GPR158: variants seen among roughly 807,000 people sequenced by gnomAD.
The protein encoded by GPR158 is G protein-coupled receptor 158.
GPR158 carries 30 observed loss-of-function variants against 78.2 expected under a neutral mutation model. The ratio of observed to expected loss-of-function variants is 0.38; its 90% CI spans 0.29 to 0.52. GPR158 has a LOEUF of 0.52. GPR158 is among the 20% of genes least tolerant of loss of function. GPR158 has a pLI of 0.83. For synonymous variants in GPR158, 581 were observed against 591.1 expected, an observed-to-expected ratio of 0.98 and a Z score of 0.25; for missense variants, 1,463 against 1,523.5, an observed-to-expected ratio of 0.96 and a Z score of 0.66.
chr10:25,340,194 T>A (rs1409594207), intron 2 of GPR158, among the ~76,000 whole-genome samples: 1 of 152,088 alleles, frequency 6.6e-6, no homozygotes, highest in Non-Finnish European at 1.5e-5. Flanking sequence ...GTTGCTTTGG[T>A]TGCTCTCCAA....
chr10:25,286,838 T>A (rs1242207004), intron 2 of GPR158, among the ~76,000 whole-genome samples: 1 of 152,122 alleles, frequency 6.6e-6, no homozygotes, highest in East Asian at 1.9e-4. Flanking sequence ...ATTTCAGTAG[T>A]TGTTACCTTA....
At chr10:25,301,850 C>T (rs1854600473) in intron 2 of GPR158, among the ~76,000 whole-genome samples, 1 of 152,052 alleles carries the variant, frequency 6.6e-6, no homozygotes, top group Non-Finnish European at 1.5e-5. Flanking sequence ...GGTTTTCTTC[C>T]CTTAAGAAAG....
intron 2 of GPR158, among the ~76,000 whole-genome samples, chr10:25,373,070 T>A (rs1223384120): frequency 1.3e-5 from 2 of 151,764 alleles, no homozygotes; most frequent in African/African-American, 4.8e-5. Flanking sequence ...CAACGGCAGA[T>A]TGGATAAAGA....
chr10:25,246,700 C>T (rs150134721), intron 2 of GPR158, among the ~76,000 whole-genome samples: 1 of 152,130 alleles, frequency 6.6e-6, no homozygotes, highest in East Asian at 1.9e-4. Flanking sequence ...CTTCTAAATA[C>T]TAGACCTGGC....
At chr10:25,318,015 G>T (rs903242411) in intron 2 of GPR158, among the ~76,000 whole-genome samples, 5 of 152,126 alleles carry the variant, frequency 3.3e-5, no homozygotes, top group African/African-American at 1.2e-4. Flanking sequence ...GAGTCACCGT[G>T]CCTGGCCCAT....
intron 2 of GPR158, among the ~76,000 whole-genome samples, chr10:25,330,422 C>A (rs112726501): frequency 0.012 from 1,811 of 152,150 alleles, 44 homozygotes; most frequent in African/African-American, 0.041. Context: ...ATTTGAGTAC[C>A]TCCAAGGAGC....
In GPR158 at chr10:25,515,461, T is replaced by C. The variant is rs555584820; in HGVS notation, c.1405-35515T>C. ...GTATACATGTGCCATGCTGGTGCGC[T>C]GCACCCACTAACTCGTCATCTAGCA... On this transcript the variant is annotated intron_variant, in intron 5 of 10. Transcript: ENST00000376351. Among the ~76,000 whole-genome samples the C allele has an allele frequency of 2.4e-3, 354 of 148,546 alleles. 5 individuals carry two copies. The highest frequency in any genetic ancestry group is 8.4e-3 in the African/African-American group (340 of 40,544).
chr10:25,334,559 C>G (rs1368329010), intron 2 of GPR158, among the ~76,000 whole-genome samples: 1 of 151,902 alleles, frequency 6.6e-6, no homozygotes, highest in Non-Finnish European at 1.5e-5. Flanking sequence ...TTCTTTCACA[C>G]TATGCAAGCA....
At position 25,296,817 on chromosome 10, in the gene GPR158, AG is replaced by A. The variant is rs568894167; in HGVS notation, c.1008+75663del. Among the ~76,000 whole-genome samples the A allele has an allele frequency of 6.6e-5, 10 of 152,318 alleles. No individual in the cohort carries two copies. The South Asian group carries it at 2.1e-3, about 32-fold the overall frequency. On this transcript the variant is annotated intron_variant, in intron 2 of 10. Coordinates refer to ENST00000376351, the MANE Select transcript of GPR158 (RefSeq NM_020752.3). Reference sequence around the variant, plus strand: ...GTAACTTACCCACAGTTACACATTTAGGGAGTGGTGAGTCTAGGATTTTATT... The same window carrying A: ...GTAACTTACCCACAGTTACACATTTAGGAGTGGTGAGTCTAGGATTTTATT...
At chr10:25,394,921 A>G (rs1332895722) in intron 2 of GPR158, among the ~76,000 whole-genome samples, 1 of 152,180 alleles carries the variant, frequency 6.6e-6, no homozygotes, top group Non-Finnish European at 1.5e-5. Flanking sequence ...GGGACATCTT[A>G]TAATTCTTAA....
intron 2 of GPR158, among the ~76,000 whole-genome samples, chr10:25,240,478 G>A (rs1001346563): frequency 6.6e-6 from 1 of 152,162 alleles, no homozygotes; most frequent in Non-Finnish European, 1.5e-5. Context: ...CATCCAGCCT[G>A]GGAGACAGAG....
chr10:25,424,271 G>C (rs1476184431), intron 4 of GPR158, among the ~76,000 whole-genome samples: 1 of 152,150 alleles, frequency 6.6e-6, no homozygotes, highest in African/African-American at 2.4e-5. Context: ...GTAGATTCAG[G>C]ATATTAGCCC....
At chr10:25,187,121 C>T (rs1323034329) in intron 1 of GPR158, among the ~76,000 whole-genome samples, 4 of 152,082 alleles carry the variant, frequency 2.6e-5, no homozygotes, top group South Asian at 2.1e-4. Context: ...CCCGCCATCA[C>T]GCCCGGCTAT....
chr10:25,240,872 A>T (rs2130706094), intron 2 of GPR158, among the ~76,000 whole-genome samples: 1 of 152,332 alleles, frequency 6.6e-6, no homozygotes, highest in African/African-American at 2.4e-5. Context: ...CTTCATGAAG[A>T]TGCCCAACTG....
intron 2 of GPR158, among the ~76,000 whole-genome samples, chr10:25,375,313 C>A (rs975967391): frequency 2.6e-5 from 4 of 151,458 alleles, no homozygotes; most frequent in Non-Finnish European, 5.9e-5. Context: ...TCATTTCTCC[C>A]AACCCATACC....
chr10:25,236,531 T>A (rs1853529708), intron 2 of GPR158, among the ~76,000 whole-genome samples: 1 of 152,078 alleles, frequency 6.6e-6, no homozygotes, highest in Non-Finnish European at 1.5e-5. Flanking sequence ...AATAAAAAAA[T>A]AAATTTCTTC....
At chr10:25,504,912 C>T (rs1332570641) in intron 5 of GPR158, among the ~76,000 whole-genome samples, 2 of 152,118 alleles carry the variant, frequency 1.3e-5, no homozygotes, top group African/African-American at 2.4e-5. Context: ...CAGTTCAGTG[C>T]GGAGTTGAGA....
At chr10:25,478,209 T>C (rs1835615154) in intron 5 of GPR158, among the ~76,000 whole-genome samples, 1 of 152,132 alleles carries the variant, frequency 6.6e-6, no homozygotes, top group African/African-American at 2.4e-5. Context: ...CCTTAAAAAA[T>C]TGAGAGTTGG....
chr10:25,232,364 A>T (rs1853459993), intron 2 of GPR158, among the ~76,000 whole-genome samples: 1 of 152,188 alleles, frequency 6.6e-6, no homozygotes, highest in African/African-American at 2.4e-5. Context: ...TATATAAAAT[A>T]TGGTGGAAAG....
Sources: gnomAD v4.1 joint callset for allele counts (sites outside exome capture counted in the v4.1 genomes callset) on GRCh38, gnomAD v4.1.1 for gene constraint, MANE v1.5 for transcripts, NCBI Gene and HGNC (gene_info 2026-07-23, HGNC 2026-07-21) for gene names.